Variants in PALS2 observed in about 807,000 individuals in gnomAD.
The protein encoded by PALS2 is protein PALS2.
A neutral mutation model predicts 61.6 loss-of-function variants in PALS2; 27 were observed. The observed-to-expected ratio is 0.44, with a 90% CI of 0.32 to 0.60. The LOEUF (loss-of-function observed/expected upper bound fraction) is 0.60. PALS2 is among the 20% of genes least tolerant of loss of function. The pLI is 0.05. For synonymous variants in PALS2, 236 were observed against 218.6 expected (o/e 1.08, Z -0.70); for missense variants, 554 against 639.4 (o/e 0.87, Z 1.44).
intron 1 of PALS2, chr7:24,589,444 G>A (rs1783199885): frequency 6.6e-6 from 1 of 152,168 alleles, no homozygotes; most frequent in Non-Finnish European, 1.5e-5. Flanking sequence ...CTTCTCGAAA[G>A]AAGTTTCAGG....
chr7:24,641,132 C>A (rs1398558770), intron 2 of PALS2, among the ~76,000 whole-genome samples: 1 of 151,050 alleles, frequency 6.6e-6, no homozygotes, highest in East Asian at 2.0e-4. Flanking sequence ...GACAGATGAT[C>A]ATTTCCCTGA....
chr7:24,575,007 T>C (rs1782593388), intron 1 of PALS2, among the ~76,000 whole-genome samples: 1 of 152,194 alleles, frequency 6.6e-6, no homozygotes, highest in African/African-American at 2.4e-5. Flanking sequence ...CTTTTGTGGG[T>C]TGTGTCATTT....
intron 2 of PALS2, among the ~76,000 whole-genome samples, chr7:24,640,008 G>C (rs568920030): frequency 1.3e-5 from 2 of 151,538 alleles, no homozygotes; most frequent in Admixed American, 1.3e-4. Context: ...GTAGAGATGG[G>C]GTTTCACCAT....
chr7:24,632,228 T>C (rs1466943122), intron 2 of PALS2, among the ~76,000 whole-genome samples: 1 of 152,224 alleles, frequency 6.6e-6, no homozygotes. Flanking sequence ...TTTCTTGATC[T>C]GAAGTCTGCC....
At chr7:24,653,761 C>G (rs1351848283) in intron 5 of PALS2, among the ~76,000 whole-genome samples, 1 of 152,070 alleles carries the variant, frequency 6.6e-6, no homozygotes, top group African/African-American at 2.4e-5. Flanking sequence ...GTCTGCAAAC[C>G]AAGGAATGGT....
At chr7:24,648,630 A>G (rs942741275) in intron 3 of PALS2, among the ~76,000 whole-genome samples, 4 of 152,112 alleles carry the variant, frequency 2.6e-5, no homozygotes, top group African/African-American at 9.7e-5. Context: ...ATGAAAAAAA[A>G]TTTAACATTT....
At chr7:24,663,857 G>A in intron 6 of PALS2, 136 bp downstream of exon 6, 2 of 1,122,538 alleles carry the variant, frequency 1.8e-6, no homozygotes, top group Non-Finnish European at 2.5e-6. Context: ...CTGCTTCGTG[G>A]CTACTAATTT....
At chr7:24,664,938 G>A (rs531586421) in intron 6 of PALS2, among the ~76,000 whole-genome samples, 1 of 151,736 alleles carries the variant, frequency 6.6e-6, no homozygotes, top group African/African-American at 2.4e-5. Context: ...GATTTTAAGT[G>A]CTTAAAGTTA....
intron 1 of PALS2, among the ~76,000 whole-genome samples, chr7:24,581,817 C>T (rs150549206): frequency 8.0e-4 from 122 of 152,230 alleles, no homozygotes; most frequent in African/African-American, 1.3e-3. Flanking sequence ...GCCTCTATTA[C>T]GAGTAAAAGC....
At chr7:24,581,244 C>CGTGTGTGTGT (rs55768123) in intron 1 of PALS2, among the ~76,000 whole-genome samples, 18 of 143,012 alleles carry the variant, frequency 1.3e-4, no homozygotes, top group Non-Finnish European at 7.6e-5. Flanking sequence ...CATTTCCCCA[C>CGTGTGTGTGT]GTGTGTGTGT....
chr7:24,612,011 A>G (rs1220551045), intron 1 of PALS2, among the ~76,000 whole-genome samples: 1 of 151,920 alleles, frequency 6.6e-6, no homozygotes, highest in African/African-American at 2.4e-5. Flanking sequence ...GATTCTAGAA[A>G]TATTTACGAG....
At chr7:24,686,737 T>C (rs1349392032) in intron 11 of PALS2, among the ~76,000 whole-genome samples, 1 of 152,232 alleles carries the variant, frequency 6.6e-6, no homozygotes, top group Non-Finnish European at 1.5e-5. Context: ...GACACCTTAA[T>C]AGGAACTCAA....
At chr7:24,590,845 C>G (rs1486233193) in intron 1 of PALS2, among the ~76,000 whole-genome samples, 3 of 133,202 alleles carry the variant, frequency 2.3e-5, no homozygotes, top group African/African-American at 8.2e-5. Context: ...TTCTTGGGGA[C>G]TTTTTTTTTT....
rs1241338056 is a variant in PALS2, at chr7:24,687,274, G to T, written c.1447-164G>T. ...TGTTGGAAAGAATAAGACATGAACAGATGGCAGTGTTGTCTTTAACACTAT... is the reference window on the plus strand; with the variant it reads ...TGTTGGAAAGAATAAGACATGAACATATGGCAGTGTTGTCTTTAACACTAT... On this transcript the variant is annotated intron_variant, in intron 11 of 11. Coordinates refer to ENST00000222644, the MANE Select transcript of PALS2 (RefSeq NM_001303037.2). This position sits in a 1 kb window ranked among gnomAD's most constrained non-coding sequence, Gnocchi z 4.5. Among the ~76,000 whole-genome samples, 1 of 152,212 alleles carries T rather than the reference G, an allele frequency of 6.6e-6. No homozygotes were observed. The highest frequency in any genetic ancestry group is 2.4e-5 in the African/African-American group (1 of 41,462).
At chr7:24,626,061 A>G (rs922168691) in intron 2 of PALS2, among the ~76,000 whole-genome samples, 3 of 152,218 alleles carry the variant, frequency 2.0e-5, no homozygotes, top group South Asian at 4.1e-4. Flanking sequence ...TGGTTCTTTT[A>G]TTAGCATTTA....
chr7:24,645,960 T>C (rs1010632069), intron 3 of PALS2, among the ~76,000 whole-genome samples: 11 of 152,228 alleles, frequency 7.2e-5, no homozygotes, highest in African/African-American at 2.4e-5. Context: ...TTTTTGTACA[T>C]TGATTTTGTA....
At chr7:24,627,469 A>G (rs1784797150) in intron 2 of PALS2, among the ~76,000 whole-genome samples, 1 of 152,214 alleles carries the variant, frequency 6.6e-6, no homozygotes, top group Non-Finnish European at 1.5e-5. Context: ...AAGCAAGAGC[A>G]ATTAAATTCA....
Position 24,663,004 on chromosome 7 carries a change from C to T in PALS2, c.652-586C>T, listed in dbSNP as rs557693385. The stretch of plus-strand genomic sequence containing the variant: ...ATGAATTTAAAATGGAAAATAGTTT[C>T]GAGACTTCTTCAGTATTTGTCTTAC... On this transcript the variant is annotated intron_variant, in intron 5 of 11. Coordinates refer to ENST00000222644, the MANE Select transcript of PALS2 (RefSeq NM_001303037.2). 1.9e-4 allele frequency among the ~76,000 whole-genome samples: 29 copies of T among 152,140 alleles called. No individual in the cohort carries two copies. The East Asian group carries it at 4.6e-3, about 24-fold the overall frequency.
intron 11 of PALS2, among the ~76,000 whole-genome samples, chr7:24,684,101 T>A (rs962822070): frequency 2.0e-5 from 3 of 152,006 alleles, no homozygotes; most frequent in Non-Finnish European, 4.4e-5. Context: ...GTAGATACAG[T>A]CAGATCACTA....
Sources: gnomAD v4.1 joint callset for allele counts (sites outside exome capture counted in the v4.1 genomes callset) on GRCh38, gnomAD v4.1.1 for gene constraint, Gnocchi (gnomAD v3.1) non-coding constraint, MANE v1.5 for transcripts, NCBI Gene and HGNC (gene_info 2026-07-23, HGNC 2026-07-21) for gene names.